The following CTNNAL1 variants were observed in gnomAD, a reference collection of about 807,000 sequenced individuals.
The protein encoded by CTNNAL1 is catenin alpha like 1, also known as alpha-catulin.
CTNNAL1 carries 69 observed loss-of-function variants against 93.6 expected under a neutral mutation model. The ratio of observed to expected loss-of-function variants is 0.74; its 90% confidence interval spans 0.61 to 0.90. The LOEUF (loss-of-function observed/expected upper bound fraction) is 0.90, where lower values mean the gene tolerates loss of function less well. Among genes scored for constraint, CTNNAL1 ranks in the 40% least tolerant of loss-of-function variants. The pLI is 0.00. For synonymous variants in CTNNAL1, 286 were observed against 305.4 expected (o/e 0.94, Z 0.66); for missense variants, 836 against 862.0 (o/e 0.97, Z 0.38).
chr9:109,001,516 A>C (rs571785268), intron 1 of CTNNAL1, among the ~76,000 whole-genome samples: 5 of 152,216 alleles, frequency 3.3e-5, no homozygotes, highest in Non-Finnish European at 7.3e-5. Context: ...TTCTAAGAGT[A>C]GGTCATAGAA....
intron 3 of CTNNAL1, chr9:108,992,077 G>A (rs570835642): frequency 3.9e-6 from 3 of 767,160 alleles, no homozygotes; most frequent in South Asian, 1.4e-5. Flanking sequence ...TCTGATTTGG[G>A]AGGGAAAAAA....
rs1341279488 is a variant in CTNNAL1 at position 108,979,291 on chromosome 9, C to A, written c.1091G>T (p.Trp364Leu). 2 of 1,613,888 alleles carry A rather than the reference C, an allele frequency of 1.2e-6. No individual in the cohort carries two copies. Among genetic ancestry groups the A allele is most frequent in the South Asian group, 1.1e-5 (1 of 91,060 alleles). ...RMELQQLISV[W>L]IQAQSKKTKS... ...AAAAAAAGTTCTTACAGCTTGAATC[C>A]ACACAGAAATTAACTGCTGCAGTTC... Residue 364 changes from tryptophan (W) to leucine (L), a missense_variant, in exon 7 of 19, where the codon TGG becomes TTG. Trp to Leu is a moderately conservative substitution (Grantham distance 61). Transcript: ENST00000325551.
At chr9:109,007,266 T>A (rs942798538) in intron 1 of CTNNAL1, among the ~76,000 whole-genome samples, 1 of 151,866 alleles carries the variant, frequency 6.6e-6, no homozygotes, top group Non-Finnish European at 1.5e-5. Context: ...AAAACACGCA[T>A]GTATTCACAT....
At position 109,002,907 on chromosome 9, in the gene CTNNAL1, C is replaced by T. The variant is rs2011573; in HGVS notation, c.142-3651G>A. ...TCTCGAGAGGCTGAGGCAAGAGAAT[C>T]GCTTGAATCTGGGAGGTAGAGATTG... On this transcript the variant is annotated intron_variant, in intron 1 of 18. Coordinates refer to ENST00000325551, the MANE Select transcript of CTNNAL1 (RefSeq NM_003798.4). 4.7e-3 allele frequency among the ~76,000 whole-genome samples: 713 copies of T among 151,900 alleles called. 6 individuals are homozygous for T. The highest frequency in any genetic ancestry group is 0.016 in the African/African-American group (676 of 41,424).
intron 17 of CTNNAL1, 144 bp downstream of exon 17, chr9:108,943,559 T>G (rs1830309949): frequency 1.5e-6 from 1 of 659,978 alleles, no homozygotes. Context: ...GTTATGAGAG[T>G]AGATAATAAA....
intron 11 of CTNNAL1, among the ~76,000 whole-genome samples, chr9:108,958,052 C>CAAGACTG (rs1012484875): frequency 5.2e-5 from 3 of 57,574 alleles, no homozygotes; most frequent in Non-Finnish European, 9.8e-5. Flanking sequence ...GGTGATAGAG[C>CAAGACTG]AAGACTGTCT....
At chr9:108,953,230 A>G (rs943283281) in intron 12 of CTNNAL1, among the ~76,000 whole-genome samples, 1 of 152,198 alleles carries the variant, frequency 6.6e-6, no homozygotes, top group Non-Finnish European at 1.5e-5. Context: ...TGATGCCTGT[A>G]TACTTGAAGA....
intron 12 of CTNNAL1, 102 bp downstream of exon 12, chr9:108,955,688 A>T: frequency 3.9e-6 from 4 of 1,015,702 alleles, no homozygotes; most frequent in Admixed American, 4.5e-5. Context: ...TTTTTCTGTC[A>T]TGTCAATTAT....
At chr9:108,996,009 T>C (rs1246057747) in intron 2 of CTNNAL1, among the ~76,000 whole-genome samples, 1 of 151,912 alleles carries the variant, frequency 6.6e-6, no homozygotes. Flanking sequence ...TCTCCCAGGC[T>C]GGAGTGCAGT....
intron 11 of CTNNAL1, among the ~76,000 whole-genome samples, chr9:108,960,224 T>C (rs1257428135): frequency 1.3e-5 from 2 of 152,064 alleles, no homozygotes; most frequent in South Asian, 2.1e-4. Flanking sequence ...CCAGCTATCA[T>C]CCTCCAACTC....
chr9:108,965,597 A>C, intron 10 of CTNNAL1, 69 bp from the exon 11 acceptor site: 1 of 815,366 alleles, frequency 1.2e-6, no homozygotes, highest in Admixed American at 3.3e-5. Flanking sequence ...TTGAAGACCA[A>C]AGGTAAGTAA....
Position 108,992,698 on chromosome 9 carries a change from T to C in CTNNAL1, c.453A>G (p.Ser151=). The C allele has an allele frequency of 6.2e-7, 1 of 1,614,050 alleles. No individual in the cohort carries two copies. Among genetic ancestry groups the C allele is most frequent in the Non-Finnish European group, 8.5e-7 (1 of 1,179,974 alleles). The stretch of plus-strand genomic sequence containing the variant: ...CTGCCAGCAACAACACTTTTGTCAC[T>C]GAAGAAAGAAGTAATCTTGCAGCCT... ...VIKAARLLLS[S]VTKVLLLADR... is the part of the protein sequence containing the mutation. Residue 151 remains serine, a synonymous_variant, in exon 3 of 19, where the codon TCA becomes TCG. Coordinates refer to ENST00000325551, the MANE Select transcript of CTNNAL1 (RefSeq NM_003798.4).
At chr9:108,965,316 A>T in intron 11 of CTNNAL1, 62 bp downstream of exon 11, 1 of 1,288,374 alleles carries the variant, frequency 7.8e-7, no homozygotes, top group Non-Finnish European at 1.0e-6. Flanking sequence ...GTTTGGCATT[A>T]AAAAACTAAC....
At chr9:108,973,659 A>C (rs1831182257) in intron 8 of CTNNAL1, among the ~76,000 whole-genome samples, 1 of 149,090 alleles carries the variant, frequency 6.7e-6, no homozygotes, top group Non-Finnish European at 1.5e-5. Context: ...TTAACTCCAA[A>C]ATCTTTTCTT....
At chr9:108,963,512 A>G (rs1830874993) in intron 11 of CTNNAL1, 1 of 152,290 alleles carries the variant, frequency 6.6e-6, no homozygotes. Context: ...ACTAAGCTCA[A>G]TGGTGTTCTG....
At chr9:108,988,211 G>A (rs992587899) in intron 4 of CTNNAL1, among the ~76,000 whole-genome samples, 3 of 152,204 alleles carry the variant, frequency 2.0e-5, no homozygotes, top group Non-Finnish European at 4.4e-5. Flanking sequence ...AGCCTCCTGA[G>A]TAGCTGGGAT....
chr9:109,009,727 A>C (rs1230804027), intron 1 of CTNNAL1, among the ~76,000 whole-genome samples: 2 of 152,220 alleles, frequency 1.3e-5, no homozygotes, highest in Non-Finnish European at 2.9e-5. Context: ...CTACTGAAAA[A>C]TCTTGCTGAA....
chr9:108,947,215 G>A (rs958622568), intron 15 of CTNNAL1, among the ~76,000 whole-genome samples: 17 of 150,270 alleles, frequency 1.1e-4, no homozygotes, highest in Non-Finnish European at 2.4e-4. Context: ...CCGGGTTCAC[G>A]CCACTCTCCT....
At chr9:109,012,764 A>C (rs1827244611) in intron 1 of CTNNAL1, among the ~76,000 whole-genome samples, 1 of 152,198 alleles carries the variant, frequency 6.6e-6, no homozygotes, top group Non-Finnish European at 1.5e-5. Context: ...GAGGCCAGCG[A>C]ACTGACCTAC....
Sources: gnomAD v4.1 joint callset for allele counts (sites outside exome capture counted in the v4.1 genomes callset) on GRCh38, gnomAD v4.1.1 for gene constraint, MANE v1.5 for transcripts, NCBI Gene and HGNC (gene_info 2026-07-23, HGNC 2026-07-21) for gene names.